WAC: variants seen among roughly 807,000 people sequenced by gnomAD.
The protein encoded by WAC is WW domain containing adaptor with coiled-coil.
A neutral mutation model predicts 79.6 loss-of-function variants in WAC; 11 were observed. The ratio of observed to expected loss-of-function variants is 0.14; its 90% CI spans 0.09 to 0.23. WAC has a LOEUF of 0.23. WAC is among the 10% of genes least tolerant of loss of function. The pLI, the probability that WAC is intolerant of heterozygous loss-of-function variation, is 1.00. For synonymous variants in WAC, 304 were observed against 276.9 expected (o/e 1.10, Z -0.97); for missense variants, 728 against 773.5 (o/e 0.94, Z 0.70).
chr10:28,583,997 A>G (rs1298559000), intron 4 of WAC, among the ~76,000 whole-genome samples: 2 of 152,260 alleles, frequency 1.3e-5, no homozygotes, highest in Admixed American at 1.3e-4. Flanking sequence ...GTTTAATGAA[A>G]TAAGTTATTT....
chr10:28,617,784 G>GGTAA lies in WAC; in HGVS notation c.1874+3_1874+6dup. 1.3e-6 allele frequency: 2 copies of GGTAA among 1,578,340 alleles called. No homozygotes were observed. Among genetic ancestry groups the GGTAA allele is most frequent in the Non-Finnish European group, 1.7e-6 (2 of 1,169,748 alleles). ...ATTCAAGCAACTTTGCGAGAGCAAA[G>GGTAA]GTAAGTCTTTCACTGAAATATATTT... On this transcript the variant is annotated stop_gained and frameshift_variant and splice_region_variant. Transcript: ENST00000354911. LOFTEE classifies it high-confidence loss of function.
chr10:28,575,797 A>G (rs557266123), intron 3 of WAC, among the ~76,000 whole-genome samples: 2 of 152,276 alleles, frequency 1.3e-5, no homozygotes, highest in South Asian at 4.1e-4. Flanking sequence ...TTCAAACACA[A>G]CTCAGTTTCA....
chr10:28,592,721 G>A (rs1840159002), intron 6 of WAC, among the ~76,000 whole-genome samples: 2 of 152,114 alleles, frequency 1.3e-5, no homozygotes, highest in African/African-American at 2.4e-5. Flanking sequence ...GGCCATATTC[G>A]TAAATAGGTA....
intron 3 of WAC, among the ~76,000 whole-genome samples, chr10:28,578,279 G>A (rs545674276): frequency 6.6e-6 from 1 of 152,272 alleles, no homozygotes; most frequent in South Asian, 2.1e-4. Flanking sequence ...GCTTTATTCA[G>A]TCCTATTTTT....
At chr10:28,605,595 C>T (rs1380865087) in intron 7 of WAC, among the ~76,000 whole-genome samples, 1 of 152,060 alleles carries the variant, frequency 6.6e-6, no homozygotes, top group Admixed American at 6.5e-5. Context: ...AGAAGTCTAT[C>T]CTTGGGGTAA....
chr10:28,539,194 G>C (rs1836864142), intron 3 of WAC, among the ~76,000 whole-genome samples: 1 of 152,092 alleles, frequency 6.6e-6, no homozygotes, highest in Non-Finnish European at 1.5e-5. Context: ...GTAATTACTA[G>C]ATTTCTTAGC....
intron 3 of WAC, among the ~76,000 whole-genome samples, chr10:28,573,097 T>A (rs1007400365): frequency 7.3e-6 from 1 of 137,346 alleles, no homozygotes; most frequent in Admixed American, 7.9e-5. Context: ...CCATCTCTTT[T>A]AAAAAATATT....
chr10:28,613,090 C>T (rs1841322103), intron 10 of WAC, among the ~76,000 whole-genome samples: 1 of 152,064 alleles, frequency 6.6e-6, no homozygotes, highest in South Asian at 2.1e-4. Context: ...TATAGCAAGA[C>T]CCCATCTCTA....
rs1840036488 is a variant in WAC, at chr10:28,590,644, T to C, written c.498-76T>C. On this transcript the variant is annotated intron_variant, in intron 5 of 13. Transcript: ENST00000354911. Reference sequence around the variant, plus strand: ...TTCTGTATACCATTTGTTAGGCATTTGGCCAGAGCTGTTTAGTATGGAAAC... The same window carrying C: ...TTCTGTATACCATTTGTTAGGCATTCGGCCAGAGCTGTTTAGTATGGAAAC... 3.3e-6 allele frequency: 4 copies of C among 1,201,862 alleles called. No individual in the cohort carries two copies. The East Asian group carries it at 1.0e-4, about 31-fold the overall frequency. 74.4% of individuals were successfully genotyped at this position (1,201,862 alleles called of 1,614,324 possible). A position where few individuals can be genotyped will look rare whatever the true frequency, so the allele number is the denominator to read the frequency against.
chr10:28,539,467 T>C (rs1836881069), intron 3 of WAC, among the ~76,000 whole-genome samples: 1 of 152,178 alleles, frequency 6.6e-6, no homozygotes, highest in East Asian at 1.9e-4. Flanking sequence ...TTTTGTGAAA[T>C]GAGTTATTTT....
At chr10:28,536,719 C>A (rs572915599) in intron 3 of WAC, among the ~76,000 whole-genome samples, 1 of 152,142 alleles carries the variant, frequency 6.6e-6, no homozygotes, top group African/African-American at 2.4e-5. Context: ...AATAAGTAAA[C>A]AAAACCAATT....
At chr10:28,616,145 A>G (rs1308278481) in intron 11 of WAC, 28 bp from the exon 12 acceptor site, 6 of 1,541,098 alleles carry the variant, frequency 3.9e-6, no homozygotes, top group South Asian at 1.2e-5. Context: ...ACTTTTAAAC[A>G]TACTACACAT....
At chr10:28,612,500 T>C (rs919012812) in intron 10 of WAC, among the ~76,000 whole-genome samples, 2 of 152,192 alleles carry the variant, frequency 1.3e-5, no homozygotes, top group African/African-American at 4.8e-5. Context: ...GTTGGCTCCA[T>C]AGGTGCAGTT....
intron 3 of WAC, among the ~76,000 whole-genome samples, chr10:28,544,594 T>C (rs1460318644): frequency 1.3e-5 from 2 of 152,196 alleles, no homozygotes; most frequent in African/African-American, 4.8e-5. Context: ...TAGCAACCTA[T>C]AGCTACTTCT....
At chr10:28,582,869 A>G (rs980761072) in intron 3 of WAC, among the ~76,000 whole-genome samples, 5 of 152,318 alleles carry the variant, frequency 3.3e-5, no homozygotes, top group African/African-American at 1.2e-4. Context: ...TCATCTTATA[A>G]GTGAGCACCT....
chr10:28,552,289 T>C (rs1024737162), intron 3 of WAC, among the ~76,000 whole-genome samples: 2 of 152,236 alleles, frequency 1.3e-5, no homozygotes, highest in African/African-American at 2.4e-5. Flanking sequence ...TGTATCGTTA[T>C]GGTTTTTCTT....
chr10:28,576,102 G>T (rs1237117323), intron 3 of WAC, among the ~76,000 whole-genome samples: 1 of 152,140 alleles, frequency 6.6e-6, no homozygotes, highest in African/African-American at 2.4e-5. Context: ...TAGGATGTTT[G>T]CACAACAAAA....
chr10:28,561,918 C>T (rs1352094016), intron 3 of WAC, among the ~76,000 whole-genome samples: 1 of 152,160 alleles, frequency 6.6e-6, no homozygotes, highest in Non-Finnish European at 1.5e-5. Flanking sequence ...CCATCAACAC[C>T]TTCCCAACCA....
upstream of WAC, chr10:28,532,974 C>T (rs1250121698): frequency 6.5e-6 from 1 of 153,700 alleles, no homozygotes; most frequent in Non-Finnish European, 1.5e-5. Flanking sequence ...AAGATCCAGG[C>T]CTCAGAGGAG....
Sources: allele counts gnomAD v4.1 joint callset (sites outside exome capture counted in the v4.1 genomes callset), GRCh38; gene constraint gnomAD v4.1.1; transcripts MANE v1.5; gene names NCBI Gene and HGNC (gene_info 2026-07-23, HGNC 2026-07-21).